Variants in TRIM14 observed in about 807,000 individuals in gnomAD.
TRIM14 encodes tripartite motif-containing protein 14.
Under a neutral mutation model 44.5 loss-of-function variants are expected in TRIM14, and 28 were observed. That is an observed-to-expected ratio of 0.63 (90% confidence interval 0.47 to 0.86). TRIM14 has a LOEUF of 0.86. TRIM14 is among the 40% of genes least tolerant of loss of function. TRIM14 has a pLI of 0.00. For synonymous variants in TRIM14, 299 were observed against 269.2 expected (o/e 1.11, Z -1.08); for missense variants, 607 against 611.1 (o/e 0.99, Z 0.07).
chr9:98,039,885 C>A, the TRIM14 span, among the ~76,000 whole-genome samples: 2 of 152,138 alleles, frequency 1.3e-5, no homozygotes, highest in Non-Finnish European at 2.9e-5. Context: ...ACAGCCGGCT[C>A]TGCATGAATT....
intron 1 of TRIM14, among the ~76,000 whole-genome samples, chr9:98,118,631 T>C (rs901092411): frequency 2.6e-5 from 4 of 152,312 alleles, no homozygotes; most frequent in African/African-American, 7.2e-5. Flanking sequence ...AGTTTGTACC[T>C]CTGTTAACTA....
intron 2 of TRIM14, among the ~76,000 whole-genome samples, chr9:98,105,374 T>C (rs961813641): frequency 6.6e-6 from 1 of 151,928 alleles, no homozygotes; most frequent in African/African-American, 2.4e-5. Context: ...ACGTCAGGAG[T>C]TCGAGACCAG....
chr9:98,075,542 A>C (rs1331479825), intron 6 of TRIM14: 1 of 152,106 alleles, frequency 6.6e-6, no homozygotes, highest in Non-Finnish European at 1.5e-5. Flanking sequence ...TCGGTCCTAG[A>C]CCAATCAGAG....
intron 6 of TRIM14, chr9:98,076,957 T>A: frequency 6.2e-7 from 1 of 1,612,578 alleles, no homozygotes; most frequent in South Asian, 1.1e-5. Flanking sequence ...TGTTCCATTT[T>A]TCAAAGTTGG....
intron 1 of TRIM14, among the ~76,000 whole-genome samples, chr9:98,112,058 C>T (rs917685710): frequency 2.6e-5 from 4 of 151,926 alleles, no homozygotes; most frequent in Non-Finnish European, 2.9e-5. Context: ...AAATATATTT[C>T]GATCTGTTAA....
intron 5 of TRIM14, among the ~76,000 whole-genome samples, chr9:98,090,617 G>A (rs1825960241): frequency 6.9e-6 from 1 of 145,390 alleles, no homozygotes; most frequent in Admixed American, 7.1e-5. Flanking sequence ...AGGCTGGAGT[G>A]CAGTAGTGCG....
chr9:98,056,960 G>A, the TRIM14 span: 2 of 1,562,258 alleles, frequency 1.3e-6, no homozygotes, highest in Admixed American at 3.6e-5. Context: ...CAGCTCCCGG[G>A]ACCCGGGATT....
At chr9:98,042,856 G>A in the TRIM14 span, among the ~76,000 whole-genome samples, 2 of 149,424 alleles carry the variant, frequency 1.3e-5, no homozygotes, top group Non-Finnish European at 3.0e-5. Context: ...GAGACAGAGC[G>A]AGACTCTACC....
chr9:98,084,188 A>G (rs182908385), downstream of TRIM14, among the ~76,000 whole-genome samples: 1 of 152,184 alleles, frequency 6.6e-6, no homozygotes, highest in East Asian at 1.9e-4. Context: ...CCATTCATTC[A>G]CAAATGTTTA....
intron 1 of TRIM14, among the ~76,000 whole-genome samples, chr9:98,118,488 G>A (rs1827131815): frequency 6.6e-6 from 1 of 152,212 alleles, no homozygotes; most frequent in African/African-American, 2.4e-5. Flanking sequence ...AGTGACAGCT[G>A]AGGCTGCTCC....
At chr9:98,075,641 A>AGAAATAAGTC (rs1345370793) in intron 6 of TRIM14, 1 of 152,154 alleles carries the variant, frequency 6.6e-6, no homozygotes, top group African/African-American at 2.4e-5. Flanking sequence ...GCCCTAACTT[A>AGAAATAAGTC]TTTCTGAGTC....
rs753405523 is a variant in TRIM14, at chr9:98,100,058, G to A, written c.410C>T (p.Thr137Met). 3.2e-5 allele frequency: 51 copies of A among 1,614,040 alleles called. No individual in the cohort carries two copies. In the South Asian group the frequency reaches 3.4e-4, roughly 11 times the overall value. The change falls in exon 3 of 6, where the codon ACG becomes ATG. Residue 137 changes from threonine (T) to methionine (M), a missense_variant. Coordinates refer to ENST00000341469, the MANE Select transcript of TRIM14 (RefSeq NM_014788.4). The stretch of plus-strand genomic sequence containing the variant: ...CCTGTACACCTGGAGGGTAAGCTGC[G>A]TGTTTTTATCAATGAATTTCTTGGC... ...ALAKKFIDKN[T>M]QLTLQVYREQ... is the part of the protein sequence containing the mutation.
intron 6 of TRIM14, among the ~76,000 whole-genome samples, chr9:98,070,469 G>A (rs910792308): frequency 3.3e-5 from 5 of 151,944 alleles, no homozygotes; most frequent in South Asian, 2.1e-4. Flanking sequence ...TGGCCAGGCC[G>A]GAGTGCAATG....
At chr9:98,078,304 C>T in intron 6 of TRIM14, 1 of 1,614,014 alleles carries the variant, frequency 6.2e-7, no homozygotes, top group East Asian at 2.2e-5. Context: ...TGTACCAGCG[C>T]ATACCCGCTC....
intron 3 of TRIM14, among the ~76,000 whole-genome samples, chr9:98,096,673 A>G (rs914619798): frequency 2.0e-5 from 3 of 151,942 alleles, no homozygotes; most frequent in African/African-American, 7.3e-5. Context: ...CCATTCTCCA[A>G]TTCCAATCTC....
intron 3 of TRIM14, 119 bp downstream of exon 3, chr9:98,099,812 T>C (rs1007486431): frequency 1.2e-5 from 10 of 843,634 alleles, no homozygotes; most frequent in Non-Finnish European, 1.9e-5. Flanking sequence ...GTCTACATGG[T>C]GACAAGACAA....
At chr9:98,072,070 G>A (rs1829359629) in intron 6 of TRIM14, among the ~76,000 whole-genome samples, 1 of 152,190 alleles carries the variant, frequency 6.6e-6, no homozygotes, top group South Asian at 2.1e-4. Flanking sequence ...TCTGTGATGG[G>A]TGTTTTAGAG....
intron 1 of TRIM14, among the ~76,000 whole-genome samples, chr9:98,110,633 C>G (rs1053004910): frequency 6.6e-6 from 1 of 152,082 alleles, no homozygotes; most frequent in Non-Finnish European, 1.5e-5. Flanking sequence ...CTAGGAGCTT[C>G]TTGAGGGCAG....
intron 1 of TRIM14, among the ~76,000 whole-genome samples, chr9:98,111,246 C>T (rs1348408718): frequency 2.6e-5 from 4 of 151,668 alleles, no homozygotes; most frequent in African/African-American, 7.3e-5. Context: ...TATGTGGATG[C>T]AAAATGAATA....
Sources: allele counts gnomAD v4.1 joint callset (sites outside exome capture counted in the v4.1 genomes callset), GRCh38; gene constraint gnomAD v4.1.1; transcripts MANE v1.5; gene names NCBI Gene and HGNC (gene_info 2026-07-23, HGNC 2026-07-21).